Variants in ATG7 observed in about 807,000 individuals in gnomAD.
The protein encoded by ATG7 is autophagy related 7.
In ATG7, 70 loss-of-function variants were observed where a neutral mutation model predicts 82.4. The observed-to-expected ratio is 0.85, with a 90% CI of 0.70 to 1.04. The LOEUF is 1.04. Ranked by LOEUF, ATG7 falls within the 50% of genes least tolerant of loss-of-function variation. The pLI, the probability that ATG7 is intolerant of heterozygous loss-of-function variation, is 0.00. For missense variants in ATG7, 792 were observed against 864.3 expected (o/e 0.92, Z 1.05); for synonymous variants, 287 against 313.0 (o/e 0.92, Z 0.88).
At chr3:11,517,339 CA>C (rs201459450) in intron 20 of ATG7, among the ~76,000 whole-genome samples, 19,115 of 112,014 alleles carry the variant, frequency 0.17, 2,479 homozygotes, top group African/African-American at 0.4. Flanking sequence ...GACTCCACCT[CA>C]AAAAAAAAAA....
intron 19 of ATG7, among the ~76,000 whole-genome samples, chr3:11,397,737 G>A (rs1368055780): frequency 0.034 from 4 of 116 alleles, no homozygotes; most frequent in African/African-American, 0.05. Context: ...GATTACAGGC[G>A]TGCACCCACG....
intron 20 of ATG7, among the ~76,000 whole-genome samples, chr3:11,483,844 G>A (rs1364554398): frequency 6.6e-6 from 1 of 152,246 alleles, no homozygotes; most frequent in Admixed American, 6.5e-5. Context: ...TTGGCACAAT[G>A]TTTATTCCTT....
chr3:11,368,767 G>A (rs563389981), intron 18 of ATG7, among the ~76,000 whole-genome samples: 3 of 149,308 alleles, frequency 2.0e-5, no homozygotes, highest in East Asian at 1.9e-4. Flanking sequence ...TCAAGGTGAC[G>A]CTACAACAGT....
intron 20 of ATG7, among the ~76,000 whole-genome samples, chr3:11,489,503 T>A (rs1480358340): frequency 6.7e-6 from 1 of 148,416 alleles, no homozygotes; most frequent in Admixed American, 6.8e-5. Flanking sequence ...TTTAGTTATT[T>A]CTTGCCTTCT....
chr3:11,407,547 A>G (rs2152907522), intron 19 of ATG7, among the ~76,000 whole-genome samples: 1 of 152,288 alleles, frequency 6.6e-6, no homozygotes, highest in African/African-American at 2.4e-5. Context: ...TTCCTTCCAC[A>G]CTGCCCTAGC....
intron 14 of ATG7, among the ~76,000 whole-genome samples, chr3:11,354,983 G>A (rs2075834785): frequency 6.6e-6 from 1 of 152,226 alleles, no homozygotes. Flanking sequence ...TGGTCTCAGT[G>A]AGCTGAGGAA....
At chr3:11,366,821 C>T (rs979649615) in intron 18 of ATG7, among the ~76,000 whole-genome samples, 1 of 151,986 alleles carries the variant, frequency 6.6e-6, no homozygotes, top group Non-Finnish European at 1.5e-5. Flanking sequence ...TATTTATCCC[C>T]ATTGAGCCTC....
intron 20 of ATG7, among the ~76,000 whole-genome samples, chr3:11,460,694 C>G (rs1202240253): frequency 6.6e-6 from 1 of 152,192 alleles, no homozygotes; most frequent in Non-Finnish European, 1.5e-5. Flanking sequence ...ATCCCTGCCC[C>G]CTCCCAAATT....
intron 19 of ATG7, among the ~76,000 whole-genome samples, chr3:11,387,834 G>A (rs1326007929): frequency 6.6e-6 from 1 of 152,160 alleles, no homozygotes; most frequent in Non-Finnish European, 1.5e-5. Flanking sequence ...GCCAGGCGTG[G>A]TGGCAGGTAC....
At chr3:11,337,490 A>C (rs2606743) in intron 11 of ATG7, among the ~76,000 whole-genome samples, 61,869 of 136,562 alleles carry the variant, frequency 0.45, 13,754 homozygotes, top group Non-Finnish European at 0.55. Context: ...CTCTCTCTCT[A>C]TATATATATA....
intron 20 of ATG7, among the ~76,000 whole-genome samples, chr3:11,434,908 G>GT (rs2083238037): frequency 1.3e-5 from 2 of 152,222 alleles, no homozygotes; most frequent in Admixed American, 1.3e-4. Context: ...GGTTCCGCCA[G>GT]TGTTCTCATG....
At chr3:11,306,394 A>C (rs1947741709) in intron 5 of ATG7, among the ~76,000 whole-genome samples, 1 of 152,214 alleles carries the variant, frequency 6.6e-6, no homozygotes, top group African/African-American at 2.4e-5. Flanking sequence ...TTTATGTGCC[A>C]ACTCTTAGCA....
chr3:11,552,008 C>T (rs753451664), intron 20 of ATG7, among the ~76,000 whole-genome samples: 5 of 152,230 alleles, frequency 3.3e-5, no homozygotes, highest in Non-Finnish European at 2.9e-5. Flanking sequence ...CTTGGCCTCC[C>T]GAAGTGCTGG....
At chr3:11,569,721 A>G in the ATG7 span, among the ~76,000 whole-genome samples, 2 of 152,178 alleles carry the variant, frequency 1.3e-5, no homozygotes, top group Non-Finnish European at 2.9e-5. Context: ...TTAACACATC[A>G]TAATGAGACT....
intron 20 of ATG7, among the ~76,000 whole-genome samples, chr3:11,500,261 T>C (rs1037554274): frequency 2.0e-5 from 3 of 152,168 alleles, no homozygotes; most frequent in African/African-American, 4.8e-5. Context: ...TTCTAACATG[T>C]AGAATTTGGT....
At chr3:11,355,914 A>G (rs543298127) in intron 14 of ATG7, among the ~76,000 whole-genome samples, 1 of 152,368 alleles carries the variant, frequency 6.6e-6, no homozygotes, top group South Asian at 2.1e-4. Context: ...TAGCACCTTT[A>G]TTCAAAACAG....
intron 20 of ATG7, among the ~76,000 whole-genome samples, chr3:11,465,764 A>G (rs893117123): frequency 1.3e-5 from 2 of 151,998 alleles, no homozygotes; most frequent in African/African-American, 4.8e-5. Context: ...CCCTGCTTCA[A>G]AAAAATAAAA....
downstream of ATG7, among the ~76,000 whole-genome samples, chr3:11,561,894 TTTTTTTTTTTTTTTTTTTTTTTAAA>T (rs993795209): frequency 4.2e-5 from 6 of 143,916 alleles, no homozygotes; most frequent in Non-Finnish European, 7.6e-5. Flanking sequence ...CGCCAAACTT[TTTTTTTTTTTTTTTTTTTTTTTAAA>T]GACAAAGTCT....
chr3:11,474,941 A>C (rs2087962064), intron 20 of ATG7, among the ~76,000 whole-genome samples: 1 of 152,074 alleles, frequency 6.6e-6, no homozygotes, highest in Non-Finnish European at 1.5e-5. Context: ...GAGGTTGGCA[A>C]TAGAGGGAGC....
Sources: allele counts gnomAD v4.1 joint callset (sites outside exome capture counted in the v4.1 genomes callset), GRCh38; gene constraint gnomAD v4.1.1; transcripts MANE v1.5; gene names NCBI Gene and HGNC (gene_info 2026-07-23, HGNC 2026-07-21).